Variants in PRKAR1A observed in about 807,000 individuals in gnomAD.
PRKAR1A encodes protein kinase cAMP-dependent type I regulatory subunit alpha.
A neutral mutation model predicts 52.0 loss-of-function variants in PRKAR1A; 3 were observed. The observed-to-expected ratio is 0.06, with a 90% CI of 0.03 to 0.15. The LOEUF (loss-of-function observed/expected upper bound fraction) is 0.15. Ranked by LOEUF, PRKAR1A falls within the 10% of genes least tolerant of loss-of-function variation. The probability of loss-of-function intolerance (pLI) is 1.00; values close to 1 mark genes in which losing one functional copy is unlikely to be tolerated. For synonymous variants in PRKAR1A, 188 were observed against 168.4 expected, an observed-to-expected ratio of 1.12 and a Z score of -0.90; for missense variants, 240 against 477.4, an observed-to-expected ratio of 0.50 and a Z score of 4.63.
At chr17:68,428,861 A>G in the PRKAR1A span, 5 of 1,614,098 alleles carry the variant, frequency 3.1e-6, no homozygotes, top group Non-Finnish European at 4.2e-6. Flanking sequence ...ACTCTCCTCC[A>G]TCCTGAGGAT....
chr17:68,457,355 T>A, the PRKAR1A span: 20 of 1,544,522 alleles, frequency 1.3e-5, no homozygotes, highest in Non-Finnish European at 1.7e-5. Flanking sequence ...CAGTCCTGGT[T>A]GAAAGAGAAG....
chr17:68,482,851 G>T, the PRKAR1A span, among the ~76,000 whole-genome samples: 3 of 152,190 alleles, frequency 2.0e-5, no homozygotes, highest in Non-Finnish European at 2.9e-5. Flanking sequence ...CCACACTGGG[G>T]TGACAGACCA....
Position 68,515,410 on chromosome 17 carries a change from G to A in PRKAR1A, c.11G>A (p.Gly4Asp). Residue 4 changes from glycine to aspartate, a missense_variant, in exon 2 of 11, where the codon GGC (glycine) becomes GAC (aspartate). By Grantham distance (94) the Gly-to-Asp change is moderately conservative (BLOSUM62 -1). Coordinates refer to ENST00000589228, the MANE Select transcript of PRKAR1A (RefSeq NM_002734.5). MES[G>D]STAASEEARS... The stretch of plus-strand genomic sequence containing the variant: ...TTCTCGCAGAGAACCATGGAGTCTG[G>A]CAGTACCGCCGCCAGTGAGGAGGCA... 3 of 1,613,216 alleles carry A rather than the reference G, an allele frequency of 1.9e-6. No individual in the cohort carries two copies. The highest frequency in any genetic ancestry group is 2.5e-6 in the Non-Finnish European group (3 of 1,180,028).
intron 2 of PRKAR1A, among the ~76,000 whole-genome samples, chr17:68,517,313 G>T (rs1048027406): frequency 6.6e-6 from 1 of 152,108 alleles, no homozygotes; most frequent in Non-Finnish European, 1.5e-5. Context: ...TGTGTATTAG[G>T]TGTTAATTTG....
At chr17:68,480,448 C>A in the PRKAR1A span, among the ~76,000 whole-genome samples, 1 of 152,136 alleles carries the variant, frequency 6.6e-6, no homozygotes, top group Non-Finnish European at 1.5e-5. Flanking sequence ...TCCCAGACAA[C>A]CCTGCTACTA....
chr17:68,431,555 T>C, the PRKAR1A span, among the ~76,000 whole-genome samples: 117,172 of 152,062 alleles, frequency 0.77, 45,216 homozygotes, highest in Admixed American at 0.81. Context: ...GGAGGTGTCA[T>C]GTTCAAAGGG....
At chr17:68,524,984 T>C (rs201183691) in intron 6 of PRKAR1A, 26 bp downstream of exon 6, 100 of 1,576,758 alleles carry the variant, frequency 6.3e-5, no homozygotes, top group Non-Finnish European at 7.7e-5. Context: ...ATCAAAAATA[T>C]GTTGATCTTA....
intron 1 of PRKAR1A, chr17:68,515,026 G>A (rs1176198958): frequency 1.3e-5 from 4 of 309,854 alleles, no homozygotes; most frequent in African/African-American, 2.2e-5. Context: ...CCTGTTTACC[G>A]TTTACCTACT....
chr17:68,489,203 T>C, the PRKAR1A span, among the ~76,000 whole-genome samples: 5 of 48,618 alleles, frequency 1.0e-4, no homozygotes, highest in African/African-American at 4.8e-4. Flanking sequence ...TATATATATA[T>C]ATATATATAT....
At chr17:68,502,908 G>A in the PRKAR1A span, among the ~76,000 whole-genome samples, 675 of 152,060 alleles carry the variant, frequency 4.4e-3, 3 homozygotes, top group African/African-American at 0.015. Context: ...TCTGATAATC[G>A]AGCTGGACTT....
At chr17:68,445,804 A>C in the PRKAR1A span, among the ~76,000 whole-genome samples, 1 of 152,166 alleles carries the variant, frequency 6.6e-6, no homozygotes, top group African/African-American at 2.4e-5. Context: ...CGCACATCTG[A>C]GCAGCTGCCG....
the PRKAR1A span, among the ~76,000 whole-genome samples, chr17:68,437,948 TAAA>T: frequency 5.1e-5 from 4 of 78,800 alleles, no homozygotes; most frequent in African/African-American, 1.4e-4. Context: ...ACATCTCTCT[TAAA>T]AAAAAAAAAA....
chr17:68,542,713 A>G, intron 11 of PRKAR1A: 4 of 1,613,298 alleles, frequency 2.5e-6, no homozygotes, highest in Non-Finnish European at 3.4e-6. Flanking sequence ...CAAAGAAAAC[A>G]CTCTGCAGGA....
intron 3 of PRKAR1A, among the ~76,000 whole-genome samples, 182 bp from the exon 4 acceptor site, chr17:68,523,543 T>C (rs1338143551): frequency 6.6e-6 from 1 of 152,252 alleles, no homozygotes; most frequent in Non-Finnish European, 1.5e-5. Flanking sequence ...GGGGATTAAT[T>C]AGTCAATACT....
the PRKAR1A span, among the ~76,000 whole-genome samples, chr17:68,503,895 G>A: frequency 3.3e-5 from 5 of 152,176 alleles, no homozygotes; most frequent in Admixed American, 2.0e-4. Context: ...CATAACAAAT[G>A]CTGGCAAGGA....
chr17:68,520,017 A>T (rs1234966414), intron 2 of PRKAR1A, among the ~76,000 whole-genome samples: 1 of 152,218 alleles, frequency 6.6e-6, no homozygotes, highest in Admixed American at 6.5e-5. Flanking sequence ...ACTACAACAG[A>T]CCAGTCATGT....
At chr17:68,460,470 G>C in the PRKAR1A span, among the ~76,000 whole-genome samples, 3 of 152,150 alleles carry the variant, frequency 2.0e-5, no homozygotes, top group Non-Finnish European at 4.4e-5. Flanking sequence ...TCAAGGTTTG[G>C]ATCTAGAGCT....
chr17:68,533,707 G>A (rs2086036703), downstream of PRKAR1A, among the ~76,000 whole-genome samples: 1 of 152,098 alleles, frequency 6.6e-6, no homozygotes, highest in African/African-American at 2.4e-5. Flanking sequence ...GTCCCCAAAG[G>A]TACGTTTTTA....
At chr17:68,426,890 G>A in the PRKAR1A span, among the ~76,000 whole-genome samples, 21 of 152,320 alleles carry the variant, frequency 1.4e-4, 1 homozygote, top group South Asian at 4.1e-3. Flanking sequence ...GAAAAAGACC[G>A]TATCGTGTGA....
Sources: gnomAD v4.1 joint callset for allele counts (sites outside exome capture counted in the v4.1 genomes callset) on GRCh38, gnomAD v4.1.1 for gene constraint, MANE v1.5 for transcripts, NCBI Gene and HGNC (gene_info 2026-07-23, HGNC 2026-07-21) for gene names.